Variants in YKT6 observed in about 807,000 individuals in gnomAD.
YKT6 encodes the protein synaptobrevin homolog YKT6.
Under a neutral mutation model 29.3 loss-of-function variants are expected in YKT6, and 12 were observed. The observed-to-expected ratio is 0.41, with a 90% CI of 0.26 to 0.66. The LOEUF (loss-of-function observed/expected upper bound fraction) is 0.66, where lower values mean the gene tolerates loss of function less well. Among genes scored for constraint, YKT6 ranks in the 30% least tolerant of loss-of-function variants. YKT6 has a pLI of 0.32. For missense variants in YKT6, 188 were observed against 243.8 expected (o/e 0.77, Z 1.52); for synonymous variants, 86 against 94.3 (o/e 0.91, Z 0.51).
chr7:44,210,240 A>T (rs2096345207), intron 5 of YKT6, among the ~76,000 whole-genome samples: 1 of 152,208 alleles, frequency 6.6e-6, no homozygotes, highest in Non-Finnish European at 1.5e-5. Flanking sequence ...CTGTCAACAG[A>T]AACCCTCAAA....
In YKT6 at chr7:44,208,296, G is replaced by A; in HGVS notation, c.459+98G>A. On this transcript the variant is annotated intron_variant, in intron 5 of 6. Coordinates refer to ENST00000223369, the MANE Select transcript of YKT6 (RefSeq NM_006555.4). ...GATCCATCCTCGTTTTAATATAATA[G>A]TAACCACGGCACTCTCCAGCAAGTG... is the stretch of plus-strand genomic sequence containing the variant. The A allele has an allele frequency of 6.7e-6, 9 of 1,338,280 alleles. No individual in the cohort carries two copies. The South Asian group carries it at 9.9e-5, about 15-fold the overall frequency. 82.9% of individuals were successfully genotyped at this position (1,338,280 alleles called of 1,614,324 possible).
At chr7:44,209,474 A>G (rs997708109) in intron 5 of YKT6, among the ~76,000 whole-genome samples, 2 of 152,192 alleles carry the variant, frequency 1.3e-5, no homozygotes, top group Non-Finnish European at 2.9e-5. Flanking sequence ...CTCAAGTCCT[A>G]GTCTGAGTAC....
At chr7:44,204,516 T>C in intron 1 of YKT6, 52 bp from the exon 2 acceptor site, 12 of 1,587,046 alleles carry the variant, frequency 7.6e-6, no homozygotes, top group Non-Finnish European at 9.5e-6. Context: ...TTCCACTGTG[T>C]TGGGGACAAG....
Position 44,208,204 on chromosome 7 carries a change from C to A in YKT6, c.459+6C>A. 6.2e-7 allele frequency: 1 copy of A among 1,613,886 alleles called. No individual in the cohort carries two copies. On this transcript the variant is annotated splice_donor_region_variant and intron_variant, in intron 5 of 6. Transcript: ENST00000223369. Reference sequence around the variant, plus strand: ...ATGAGACCAAAATCATTCTGGTAAGCAGGAAGATGGAGAGCAAGCCCAAGA... The same window carrying A: ...ATGAGACCAAAATCATTCTGGTAAGAAGGAAGATGGAGAGCAAGCCCAAGA...
Position 44,204,604 on chromosome 7 carries a change from T to G in YKT6, c.141T>G (p.Ile47Met), listed in dbSNP as rs754467340. Residue 47 changes from isoleucine (I) to methionine (M), a missense_variant, in exon 2 of 7, where the codon ATT (isoleucine) becomes ATG (methionine). Around this residue, in one of 3 missense-constraint regions of YKT6, gnomAD observed 71 missense variants for 67.3 expected, o/e 1.05. Transcript: ENST00000223369. The stretch of plus-strand genomic sequence containing the variant: ...TCATGACCTTCACGAGTCAACTGAT[T>G]GTGGAGCGCTCATCGAAAGGCACTA... Reference protein sequence around the residue: ...QEFMTFTSQLIVERSSKGTRA... With the variant: ...QEFMTFTSQLMVERSSKGTRA... 1.9e-6 allele frequency: 3 copies of G among 1,614,106 alleles called. No homozygotes were observed. In the African/African-American group the frequency reaches 4.0e-5, roughly 22 times the overall value.
chr7:44,207,521 C>T, intron 4 of YKT6, 29 bp downstream of exon 4: 1 of 1,597,696 alleles, frequency 6.3e-7, no homozygotes, highest in Non-Finnish European at 8.6e-7. Context: ...TCAGCAGACA[C>T]CATGTGGCCC....
rs547697688 is a variant in YKT6, at chr7:44,213,064, G to T, written c.*782G>T. On this transcript the variant is annotated 3_prime_UTR_variant, in exon 7 of 7. Coordinates refer to ENST00000223369, the MANE Select transcript of YKT6 (RefSeq NM_006555.4). ...CAGGAAAGGGGGATGTTTTCCTGGT[G>T]TTTGGATGGTCAGCTGGGAGTGTCC... 3.3e-4 allele frequency: 51 copies of T among 152,378 alleles called. No individual in the cohort carries two copies. The highest frequency in any genetic ancestry group is 1.2e-3 in the African/African-American group (48 of 41,570). The allele number at this position is 152,378 out of a possible 1,614,324, so 9.4% of individuals were successfully genotyped here. A position where few individuals can be genotyped will look rare whatever the true frequency, so the allele number is the denominator to read the frequency against.
rs1562740562 is a variant in YKT6, at chr7:44,201,194, A to G, written c.59A>G (p.Lys20Arg). 1 of 1,613,142 alleles carries G rather than the reference A, an allele frequency of 6.2e-7. No individual in the cohort carries two copies. Among genetic ancestry groups the G allele is most frequent in the African/African-American group, 1.3e-5 (1 of 74,984 alleles). The change falls in exon 1 of 7, where the codon AAA becomes AGA. Residue 20 changes from lysine (K) to arginine (R), a missense_variant. Transcript: ENST00000223369. ...GGCGAGGCCAAGGTGGTGCTGCTCA[A>G]AGCCGCATACGATGTGTCTTCCTTC... Reference protein sequence around the residue: ...YKGEAKVVLLKAAYDVSSFSF... With the variant: ...YKGEAKVVLLRAAYDVSSFSF...
chr7:44,212,444 C>A lies in YKT6; in HGVS notation c.*162C>A. On this transcript the variant is annotated 3_prime_UTR_variant, in exon 7 of 7. Coordinates refer to ENST00000223369, the MANE Select transcript of YKT6 (RefSeq NM_006555.4). ...CGAGAAATGGATGGTGGAAGGGTGG[C>A]GAATGTTCAAATTCATATGTGTGGT... The A allele has an allele frequency of 2.3e-6, 2 of 866,270 alleles. No individual in the cohort carries two copies. The highest frequency in any genetic ancestry group is 3.6e-6 in the Non-Finnish European group (2 of 562,056). The allele number at this position is 866,270 out of a possible 1,614,324, so 53.7% of individuals were successfully genotyped here.
intron 5 of YKT6, 74 bp downstream of exon 5, chr7:44,208,272 A>G: frequency 6.6e-7 from 1 of 1,512,494 alleles, no homozygotes; most frequent in African/African-American, 1.4e-5. Flanking sequence ...GCATGCACAG[A>G]TCCATCCTCG....
chr7:44,212,696 C>CT lies in YKT6; in HGVS notation c.*415dup, dbSNP rs1394063719. The CT allele has an allele frequency of 6.4e-6, 1 of 156,974 alleles. No individual in the cohort carries two copies. Among genetic ancestry groups the CT allele is most frequent in the East Asian group, 1.8e-4 (1 of 5,444 alleles). The allele number at this position is 156,974 out of a possible 1,614,324, so 9.7% of individuals were successfully genotyped here. A position where few individuals can be genotyped will look rare whatever the true frequency, so the allele number is the denominator to read the frequency against. On this transcript the variant is annotated 3_prime_UTR_variant, in exon 7 of 7. Transcript: ENST00000223369. ...CACTCCAGTGGGGGGTGGGGAGTCC[C>CT]TGATGCTAGGGCTGGGGTGGGTGGA...
chr7:44,206,771 C>A (rs2096341332), intron 3 of YKT6, among the ~76,000 whole-genome samples: 1 of 152,144 alleles, frequency 6.6e-6, no homozygotes, highest in South Asian at 2.1e-4. Context: ...GTGTTCTCGC[C>A]CCCTGTGCTT....
chr7:44,206,620 C>G, intron 3 of YKT6, 135 bp downstream of exon 3: 2 of 818,420 alleles, frequency 2.4e-6, no homozygotes, highest in Non-Finnish European at 4.0e-6. Context: ...TTTTCAGCCC[C>G]CTTCCCTGCA....
rs561165169 is a variant in YKT6, at chr7:44,206,392, G to C, written c.195G>C (p.Leu65=). The C allele has an allele frequency of 4.1e-5, 66 of 1,614,066 alleles. 2 individuals carry two copies. The South Asian group carries it at 7.0e-4, about 17-fold the overall frequency. Residue 65 remains leucine, a synonymous_variant, in exon 3 of 7, where the codon CTG becomes CTC. Transcript: ENST00000223369. ...TRASVKEQDY[L]CHVYVRNDSL... ...GATCTCTTGTCTCCTTAGACTATCT[G>C]TGCCACGTCTACGTCCGGAATGATA...
Position 44,207,589 on chromosome 7 carries a change from C to T in YKT6, c.393+97C>T. 3 of 967,520 alleles carry T rather than the reference C, an allele frequency of 3.1e-6. No homozygotes were observed. In the South Asian group the frequency reaches 4.5e-5, roughly 14 times the overall value. 59.9% of individuals were successfully genotyped at this position (967,520 alleles called of 1,614,324 possible). On this transcript the variant is annotated intron_variant, in intron 4 of 6. Coordinates refer to ENST00000223369, the MANE Select transcript of YKT6 (RefSeq NM_006555.4). ...CCTGATAGTTCTGGTCTAATTACTTCTGACAGCTTCTGATGCTGGTGTCCT... is the reference window on the plus strand; with the variant it reads ...CCTGATAGTTCTGGTCTAATTACTTTTGACAGCTTCTGATGCTGGTGTCCT...
rs2096347999 is a variant in YKT6 at position 44,212,557 on chromosome 7, A to G, written c.*275A>G. 2.2e-6 allele frequency: 1 copy of G among 444,516 alleles called. No individual in the cohort carries two copies. The highest frequency in any genetic ancestry group is 2.0e-5 in the African/African-American group (1 of 50,322). 27.5% of individuals were successfully genotyped at this position (444,516 alleles called of 1,614,324 possible). A position where few individuals can be genotyped will look rare whatever the true frequency, so the allele number is the denominator to read the frequency against. ...ACTCCGACTGGCTTCTGTAGATGCCAAAGGGCTCTTTTTCAGCTAACCCTG... is the reference window on the plus strand; with the variant it reads ...ACTCCGACTGGCTTCTGTAGATGCCGAAGGGCTCTTTTTCAGCTAACCCTG... On this transcript the variant is annotated 3_prime_UTR_variant, in exon 7 of 7. Coordinates refer to ENST00000223369, the MANE Select transcript of YKT6 (RefSeq NM_006555.4).
chr7:44,206,574 A>G, intron 3 of YKT6, 89 bp downstream of exon 3: 1 of 1,144,436 alleles, frequency 8.7e-7, no homozygotes, highest in Non-Finnish European at 1.3e-6. Flanking sequence ...TCCCTGAGAC[A>G]TAAGGGATGA....
chr7:44,202,525 G>C (rs73315993), intron 1 of YKT6, among the ~76,000 whole-genome samples: 1 of 152,192 alleles, frequency 6.6e-6, no homozygotes, highest in Non-Finnish European at 1.5e-5. Context: ...GAATCATATA[G>C]TTTTTGTGTG....
chr7:44,201,827 G>A (rs2096336070), intron 1 of YKT6, among the ~76,000 whole-genome samples: 1 of 152,220 alleles, frequency 6.6e-6, no homozygotes, highest in Admixed American at 6.5e-5. Context: ...TTTAATGGGT[G>A]AAGTCACTGA....
Sources: gnomAD v4.1 joint callset for allele counts (sites outside exome capture counted in the v4.1 genomes callset) on GRCh38, gnomAD v4.1.1 for gene constraint, gnomAD v4.1.1 regional missense constraint, MANE v1.5 for transcripts, NCBI Gene and HGNC (gene_info 2026-07-23, HGNC 2026-07-21) for gene names.